PRKAR1B: variants seen among roughly 807,000 people sequenced by gnomAD.
PRKAR1B encodes the protein cAMP-dependent protein kinase type I-beta regulatory subunit.
A neutral mutation model predicts 46.5 loss-of-function variants in PRKAR1B; 22 were observed. That is an observed-to-expected ratio of 0.47 (90% confidence interval 0.34 to 0.68). The LOEUF (loss-of-function observed/expected upper bound fraction) is 0.68, where lower values mean the gene tolerates loss of function less well. Among genes scored for constraint, PRKAR1B ranks in the 30% least tolerant of loss-of-function variants. The pLI, the probability that PRKAR1B is intolerant of heterozygous loss-of-function variation, is 0.01. For missense variants in PRKAR1B, 445 were observed against 535.6 expected (o/e 0.83, Z 1.67); for synonymous variants, 259 against 217.7 (o/e 1.19, Z -1.67).
intron 9 of PRKAR1B, among the ~76,000 whole-genome samples, chr7:555,649 C>T (rs1778381485): frequency 6.6e-6 from 1 of 152,192 alleles, no homozygotes; most frequent in East Asian, 1.9e-4. Flanking sequence ...TCACATGCCC[C>T]CTTTTTCAGG....
intron 4 of PRKAR1B, among the ~76,000 whole-genome samples, chr7:649,951 T>TA (rs1784813939): frequency 6.6e-6 from 1 of 151,432 alleles, no homozygotes; most frequent in Non-Finnish European, 1.5e-5. Flanking sequence ...GCCTCCTGAG[T>TA]AGCTGCATGA....
At chr7:686,162 G>T (rs560405358) in intron 2 of PRKAR1B, among the ~76,000 whole-genome samples, 1 of 152,018 alleles carries the variant, frequency 6.6e-6, no homozygotes, top group Non-Finnish European at 1.5e-5. Flanking sequence ...TTAGCTGGGC[G>T]TGGTGGTGGG....
chr7:657,375 G>A (rs560596840), intron 4 of PRKAR1B, among the ~76,000 whole-genome samples: 48 of 152,120 alleles, frequency 3.2e-4, no homozygotes, highest in African/African-American at 1.1e-3. Context: ...ATTGATGCAT[G>A]AATGAATGTG....
At position 700,016 on chromosome 7, in the gene PRKAR1B, T is replaced by C. The variant is rs546462857; in HGVS notation, c.177+11313A>G. Among the ~76,000 whole-genome samples the C allele has an allele frequency of 2.0e-5, 3 of 152,182 alleles. No individual in the cohort carries two copies. In the East Asian group the frequency reaches 5.8e-4, roughly 29 times the overall value. ...GGCGGCAGGGAGAGAAACAGGCATA[T>C]CTGTGTGCCAGAGGTAGGATCTCTC... is the stretch of plus-strand genomic sequence containing the variant. On this transcript the variant is annotated intron_variant, in intron 2 of 10. Coordinates refer to ENST00000537384, the MANE Select transcript of PRKAR1B (RefSeq NM_001164760.2).
At chr7:691,813 G>A in intron 2 of PRKAR1B, 1 of 1,184,234 alleles carries the variant, frequency 8.4e-7, no homozygotes, top group Middle Eastern at 3.9e-4. Context: ...CGCATCCCCT[G>A]AACTCCCTGC....
chr7:689,923 C>T (rs553209149), intron 2 of PRKAR1B, among the ~76,000 whole-genome samples: 26 of 151,736 alleles, frequency 1.7e-4, no homozygotes, highest in Non-Finnish European at 2.4e-4. Context: ...CCTCGTGATC[C>T]GCCCGCCTCG....
intron 1 of PRKAR1B, among the ~76,000 whole-genome samples, chr7:725,129 G>A (rs1029412816): frequency 1.3e-5 from 2 of 151,600 alleles, no homozygotes; most frequent in African/African-American, 4.8e-5. Context: ...CAGGAGAATG[G>A]CATGAACCTG....
chr7:631,384 CAG>C (rs1438399757), intron 4 of PRKAR1B, among the ~76,000 whole-genome samples: 1 of 152,234 alleles, frequency 6.6e-6, no homozygotes, highest in South Asian at 2.1e-4. Flanking sequence ...CAGGCCCAGA[CAG>C]GGGTGGTCGC....
At chr7:605,258 CG>C (rs1404737292) in intron 6 of PRKAR1B, among the ~76,000 whole-genome samples, 1 of 152,214 alleles carries the variant, frequency 6.6e-6, no homozygotes, top group Non-Finnish European at 1.5e-5. Flanking sequence ...CGCAGGGGCT[CG>C]GGCCTGATTC....
chr7:714,211 G>A lies in PRKAR1B; in HGVS notation c.-22-2684C>T, dbSNP rs1780792999. ...GGGGGCAGATGCTCCAGGCCTGGCT[G>A]CTTCTCTCCCGGGCTGTCCTGGGGT... On this transcript the variant is annotated intron_variant, in intron 1 of 10. Coordinates refer to ENST00000537384, the MANE Select transcript of PRKAR1B (RefSeq NM_001164760.2). This position sits in a 1 kb window ranked among gnomAD's most constrained non-coding sequence, Gnocchi z 4.3. Among the ~76,000 whole-genome samples, 1 of 152,160 alleles carries A rather than the reference G, an allele frequency of 6.6e-6. No homozygotes were observed. Among genetic ancestry groups the A allele is most frequent in the Non-Finnish European group, 1.5e-5 (1 of 68,030 alleles).
At chr7:693,455 CTG>C (rs1779553282) in intron 2 of PRKAR1B, among the ~76,000 whole-genome samples, 2 of 151,938 alleles carry the variant, frequency 1.3e-5, no homozygotes, top group South Asian at 4.2e-4. Context: ...CTTCCTGTCT[CTG>C]TGCAACTGCC....
chr7:640,144 C>T (rs1784312870), intron 4 of PRKAR1B, among the ~76,000 whole-genome samples: 1 of 148,912 alleles, frequency 6.7e-6, no homozygotes, highest in Admixed American at 6.7e-5. Flanking sequence ...GCCTGGGCAA[C>T]AGAGCGAGAC....
intron 5 of PRKAR1B, 39 bp downstream of exon 5, chr7:607,352 C>T (rs1278219239): frequency 1.3e-6 from 2 of 1,578,320 alleles, no homozygotes; most frequent in Non-Finnish European, 1.7e-6. Context: ...TCCATTTTTC[C>T]CCTCTGGACT....
intron 1 of PRKAR1B, chr7:726,576 C>G (rs1441440518): frequency 1.8e-6 from 1 of 548,502 alleles, no homozygotes. Context: ...CGGGCGAGCA[C>G]GACAAGAGCA....
chr7:566,387 CCACCATCACCACCACTTCCACCATCAT>C (rs1779138287), intron 9 of PRKAR1B, among the ~76,000 whole-genome samples: 1 of 1,176 alleles, frequency 8.5e-4, no homozygotes, highest in Admixed American at 9.4e-3. Flanking sequence ...CACCTCATCA[CCACCATCACCACCACTTCCACCATCAT>C]TATCACCATC....
rs550865831 is a variant in PRKAR1B, at chr7:704,637, G to A, written c.177+6692C>T. Among the ~76,000 whole-genome samples the A allele has an allele frequency of 7.2e-5, 11 of 152,020 alleles. No individual in the cohort carries two copies. In the South Asian group the frequency reaches 1.2e-3, roughly 17 times the overall value. ...CCAAAAATACAAAAATGAGCCAGGC[G>A]CGATGCCTGTAATCCCAGCTACTCG... is the stretch of plus-strand genomic sequence containing the variant. On this transcript the variant is annotated intron_variant, in intron 2 of 10. Coordinates refer to ENST00000537384, the MANE Select transcript of PRKAR1B (RefSeq NM_001164760.2).
intron 1 of PRKAR1B, among the ~76,000 whole-genome samples, chr7:719,047 TC>T (rs1261356149): frequency 6.6e-6 from 1 of 151,752 alleles, no homozygotes; most frequent in African/African-American, 2.4e-5. Context: ...TATTATTTTT[TC>T]TTTTTCTTTT....
At chr7:618,449 T>C (rs1782949514) in intron 4 of PRKAR1B, among the ~76,000 whole-genome samples, 1 of 152,212 alleles carries the variant, frequency 6.6e-6, no homozygotes. Context: ...GTCTCCCCTC[T>C]CGTTTGTATG....
intron 4 of PRKAR1B, among the ~76,000 whole-genome samples, chr7:629,765 C>T (rs1783627831): frequency 2.0e-5 from 2 of 97,594 alleles, no homozygotes; most frequent in African/African-American, 9.1e-5. Context: ...GAAAACGCTG[C>T]AGGAGCGGGG....
Sources: gnomAD v4.1 joint callset for allele counts (sites outside exome capture counted in the v4.1 genomes callset) on GRCh38, gnomAD v4.1.1 for gene constraint, Gnocchi (gnomAD v3.1) non-coding constraint, MANE v1.5 for transcripts, NCBI Gene and HGNC (gene_info 2026-07-23, HGNC 2026-07-21) for gene names.